The following PACS2 variants were observed in gnomAD, a reference collection of about 807,000 sequenced individuals.
The protein encoded by PACS2 is PACS1-like protein.
A neutral mutation model predicts 113.0 loss-of-function variants in PACS2; 36 were observed. The ratio of observed to expected loss-of-function variants is 0.32; its 90% CI spans 0.24 to 0.42. PACS2 has a LOEUF of 0.42. Ranked by LOEUF, PACS2 falls within the 10% of genes least tolerant of loss-of-function variation. PACS2 has a pLI of 1.00. For synonymous variants in PACS2, 589 were observed against 536.1 expected (o/e 1.10, Z -1.36); for missense variants, 1,015 against 1,239.5 (o/e 0.82, Z 2.72).
intron 24 of PACS2, among the ~76,000 whole-genome samples, chr14:105,393,876 C>T (rs1279163971): frequency 5.9e-5 from 9 of 152,016 alleles, no homozygotes; most frequent in African/African-American, 2.2e-4. Context: ...TGGGCGCGAG[C>T]CACCGCACCT....
chr14:105,307,757 C>T (rs992167652), intron 1 of PACS2, among the ~76,000 whole-genome samples: 3 of 152,222 alleles, frequency 2.0e-5, no homozygotes, highest in Non-Finnish European at 4.4e-5. Flanking sequence ...AATAGCCCAC[C>T]CTAGCACTGC....
At chr14:105,311,250 G>A (rs587624102), upstream of PACS2, among the ~76,000 whole-genome samples, 3 of 151,816 alleles carry the variant, frequency 2.0e-5, no homozygotes, top group South Asian at 2.1e-4. Context: ...CACTGTGCCC[G>A]GCCTTTTTAT....
At chr14:105,307,741 G>T (rs1216647089) in intron 1 of PACS2, among the ~76,000 whole-genome samples, 3 of 152,214 alleles carry the variant, frequency 2.0e-5, no homozygotes, top group Non-Finnish European at 4.4e-5. Flanking sequence ...GCATAACAGG[G>T]ATAAGAATAG....
rs1419232926 is a variant in PACS2, at chr14:105,357,636, G to T, written c.423+2459G>T. Among the ~76,000 whole-genome samples, 1 of 152,182 alleles carries T rather than the reference G, an allele frequency of 6.6e-6. No homozygotes were observed. The highest frequency in any genetic ancestry group is 1.5e-5 in the Non-Finnish European group (1 of 68,040). ...TCCCACCTGTGAGCGTTGCTGGCTT[G>T]TTGAGAGTATGAGCACGGGAGATTG... On this transcript the variant is annotated intron_variant, in intron 4 of 24. Transcript: ENST00000447393. This position sits in a 1 kb window ranked among gnomAD's most constrained non-coding sequence, Gnocchi z 5.1.
At chr14:105,337,119 C>T (rs782421813) in intron 1 of PACS2, among the ~76,000 whole-genome samples, 16 of 152,378 alleles carry the variant, frequency 1.1e-4, no homozygotes, top group Middle Eastern at 6.8e-3. Flanking sequence ...GAAATGGACA[C>T]AGGCTGCAAC....
chr14:105,309,983 A>C (rs1335924784), upstream of PACS2, among the ~76,000 whole-genome samples: 3 of 151,322 alleles, frequency 2.0e-5, no homozygotes, highest in Non-Finnish European at 4.4e-5. The surrounding 1 kb of genome is among the most constrained non-coding windows in gnomAD (Gnocchi z 4.0). Context: ...ACGGGGTTTC[A>C]GTGTATTGGT....
Position 105,347,413 on chromosome 14 carries a change from G to A in PACS2, c.120-1080G>A, listed in dbSNP as rs587774980. 2.6e-5 allele frequency among the ~76,000 whole-genome samples: 4 copies of A among 152,258 alleles called. No individual in the cohort carries two copies. The South Asian group carries it at 6.2e-4, about 24-fold the overall frequency. The stretch of plus-strand genomic sequence containing the variant: ...AGGGGTGGAGACGGAAGCACGTGGC[G>A]GCCACTGTGGCACTGGTGGGTGGCT... On this transcript the variant is annotated intron_variant, in intron 1 of 24. Coordinates refer to ENST00000447393, the MANE Select transcript of PACS2 (RefSeq NM_001100913.3).
At chr14:105,312,135 T>C (rs2058366090), upstream of PACS2, among the ~76,000 whole-genome samples, 1 of 152,000 alleles carries the variant, frequency 6.6e-6, no homozygotes, top group Non-Finnish European at 1.5e-5. Context: ...GATGAATGCG[T>C]TTCCAAGCAG....
chr14:105,393,693 G>C (rs1381570621), intron 24 of PACS2: 1 of 189,256 alleles, frequency 5.3e-6, no homozygotes. Flanking sequence ...AGGTTCAAGC[G>C]ATTCTCCTGC....
In PACS2 at chr14:105,395,310, C is replaced by T. The variant is rs1031138087; in HGVS notation, c.*638C>T. ...CTGGGCAGAGCCAGCAGAGCCTGCC[C>T]CCACTTCCCCAGCCCCTGCCCCACC... On this transcript the variant is annotated 3_prime_UTR_variant, in exon 25 of 25. Transcript: ENST00000447393. The T allele has an allele frequency of 6.6e-6, 1 of 152,404 alleles. No homozygotes were observed. The highest frequency in any genetic ancestry group is 1.5e-5 in the Non-Finnish European group (1 of 68,194). 9.4% of individuals were successfully genotyped at this position (152,404 alleles called of 1,614,324 possible).
At chr14:105,373,542 G>T (rs1270569939) in intron 8 of PACS2, among the ~76,000 whole-genome samples, 2 of 152,248 alleles carry the variant, frequency 1.3e-5, no homozygotes, top group African/African-American at 2.4e-5. Flanking sequence ...CAGCTGTGGT[G>T]GCACATGCCT....
rs372438559 is a variant in PACS2 at position 105,391,739 on chromosome 14, C to G, written c.2228C>G (p.Ser743Trp). The change falls in exon 22 of 25, where the codon TCG (serine) becomes TGG (tryptophan). Residue 743 changes from serine to tryptophan, a missense_variant. Coordinates refer to ENST00000447393, the MANE Select transcript of PACS2 (RefSeq NM_001100913.3). ...EASPTPPSSP[S>W]VSGGLSSPSQ... ...TCACCCACCCCGCCCTCCTCCCCGT[C>G]GGTGAGCGGAGGCCTGTCCTCCCCC... The G allele has an allele frequency of 5.0e-6, 8 of 1,595,920 alleles. No homozygotes were observed. The highest frequency in any genetic ancestry group is 6.8e-6 in the Non-Finnish European group (8 of 1,172,120).
chr14:105,379,504 G>A (rs1241563076), intron 9 of PACS2, among the ~76,000 whole-genome samples: 3 of 152,168 alleles, frequency 2.0e-5, no homozygotes, highest in Admixed American at 6.5e-5. Flanking sequence ...GAACCAGGAC[G>A]GGGCAGCCAG....
chr14:105,374,692 AGCTGCAATGT>A, intron 8 of PACS2: 1 of 152,354 alleles, frequency 6.6e-6, no homozygotes, highest in African/African-American at 2.4e-5. Context: ...TACCCTGACC[AGCTGCAATGT>A]AAAATCCCTG....
upstream of PACS2, among the ~76,000 whole-genome samples, chr14:105,309,776 CT>C (rs928875653): frequency 0.02 from 1,778 of 89,222 alleles, 32 homozygotes; most frequent in Admixed American, 0.051. The surrounding 1 kb of genome is among the most constrained non-coding windows in gnomAD (Gnocchi z 4.0). Context: ...TGATGTGTGT[CT>C]TTTTTTTTTT....
intron 1 of PACS2, among the ~76,000 whole-genome samples, chr14:105,319,340 G>C (rs1022676182): frequency 1.3e-5 from 2 of 152,262 alleles, no homozygotes; most frequent in African/African-American, 4.8e-5. Context: ...ATTGACGTTT[G>C]TGTGGTACTG....
intron 4 of PACS2, among the ~76,000 whole-genome samples, chr14:105,361,232 A>G (rs58816330): frequency 0.1 from 15,238 of 152,272 alleles, 2,560 homozygotes; most frequent in African/African-American, 0.35. Flanking sequence ...AGTGGCTCAC[A>G]CCTGTCATCC....
chr14:105,366,280 G>A lies in PACS2; in HGVS notation c.424-933G>A, dbSNP rs189616001. Among the ~76,000 whole-genome samples, 15 of 152,326 alleles carry A rather than the reference G, an allele frequency of 9.8e-5. No homozygotes were observed. The highest frequency in any genetic ancestry group is 2.6e-4 in the African/African-American group (11 of 41,576). On this transcript the variant is annotated intron_variant, in intron 4 of 24. Transcript: ENST00000447393. This position sits in a 1 kb window ranked among gnomAD's most constrained non-coding sequence, Gnocchi z 4.3. ...GGAGAATCACTTGAACCCAGGAGGC[G>A]GAGGTTGCAGTGAGCCAAGATCGCA...
chr14:105,389,687 C>A, intron 19 of PACS2: 1 of 520,294 alleles, frequency 1.9e-6, no homozygotes, highest in Non-Finnish European at 3.5e-6. Flanking sequence ...TCTGGCCTGT[C>A]CTCCTGACCA....
Sources: allele counts gnomAD v4.1 joint callset (sites outside exome capture counted in the v4.1 genomes callset), GRCh38; gene constraint gnomAD v4.1.1; non-coding constraint Gnocchi (gnomAD v3.1); transcripts MANE v1.5; gene names NCBI Gene and HGNC (gene_info 2026-07-23, HGNC 2026-07-21).